The following LHX8 variants were observed in gnomAD, a reference collection of about 807,000 sequenced individuals.
LHX8 encodes LIM homeobox 8, also known as LIM/homeobox protein Lhx8.
A neutral mutation model predicts 40.3 loss-of-function variants in LHX8; 12 were observed. The observed-to-expected ratio is 0.30, with a 90% CI of 0.19 to 0.48. The LOEUF is 0.48. Among genes scored for constraint, LHX8 ranks in the 20% least tolerant of loss-of-function variants. LHX8 has a pLI of 0.99. For synonymous variants in LHX8, 179 were observed against 162.0 expected (o/e 1.10, Z -0.80); for missense variants, 344 against 433.7 (o/e 0.79, Z 1.84).
At chr1:75,175,119 G>C in the LHX8 span, among the ~76,000 whole-genome samples, 2 of 152,168 alleles carry the variant, frequency 1.3e-5, no homozygotes, top group Non-Finnish European at 2.9e-5. Flanking sequence ...AGTCCATCCA[G>C]GTTGCAGCAA....
chr1:75,183,172 T>C, the LHX8 span: 3 of 152,074 alleles, frequency 2.0e-5, no homozygotes, highest in Admixed American at 1.3e-4. Flanking sequence ...CTGAAAGAGA[T>C]GGGGAGGGCA....
At chr1:75,165,401 G>GTT (rs1649011533), downstream of LHX8, among the ~76,000 whole-genome samples, 1 of 152,104 alleles carries the variant, frequency 6.6e-6, no homozygotes, top group South Asian at 2.1e-4. Context: ...AGTTCCTTGA[G>GTT]TTTCATAAGA....
chr1:75,156,787 G>T, intron 7 of LHX8, 106 bp from the exon 8 acceptor site: 1 of 968,198 alleles, frequency 1.0e-6, no homozygotes, highest in Non-Finnish European at 1.7e-6. Flanking sequence ...TGCGGTGCTT[G>T]TGTGGTAGTG....
the LHX8 span, among the ~76,000 whole-genome samples, chr1:75,181,558 G>A: frequency 1.6e-4 from 25 of 152,292 alleles, no homozygotes; most frequent in Admixed American, 3.9e-4. Context: ...TTGGAAAAGC[G>A]CAGTGTTTAG....
At chr1:75,182,254 A>T in the LHX8 span, among the ~76,000 whole-genome samples, 2 of 151,484 alleles carry the variant, frequency 1.3e-5, no homozygotes, top group Non-Finnish European at 2.9e-5. Context: ...GTTGAATAGG[A>T]TGTCCTTTCC....
chr1:75,195,957 G>C, the LHX8 span, among the ~76,000 whole-genome samples: 1 of 152,162 alleles, frequency 6.6e-6, no homozygotes, highest in South Asian at 2.1e-4. Flanking sequence ...AGCACCTGTT[G>C]TATGATAGAG....
chr1:75,171,910 C>T, the LHX8 span, among the ~76,000 whole-genome samples: 3 of 152,168 alleles, frequency 2.0e-5, no homozygotes, highest in African/African-American at 7.2e-5. Context: ...GGCACAGCTC[C>T]TATACTGAAT....
At chr1:75,150,705 G>A (rs1648584393) in intron 7 of LHX8, among the ~76,000 whole-genome samples, 3 of 148,440 alleles carry the variant, frequency 2.0e-5, no homozygotes, top group South Asian at 4.3e-4. Flanking sequence ...TTTCGAGACA[G>A]AGTCTCTGTC....
At chr1:75,149,783 G>A (rs1446449348) in intron 7 of LHX8, among the ~76,000 whole-genome samples, 1 of 152,156 alleles carries the variant, frequency 6.6e-6, no homozygotes, top group Non-Finnish European at 1.5e-5. Flanking sequence ...CTAGACTCAA[G>A]TAATCCTCCT....
At chr1:75,143,030 G>C in intron 4 of LHX8, 88 bp from the exon 5 acceptor site, 1 of 978,674 alleles carries the variant, frequency 1.0e-6, no homozygotes, top group Non-Finnish European at 1.6e-6. Context: ...TTTCAATGGG[G>C]TAAGATAATG....
the LHX8 span, among the ~76,000 whole-genome samples, chr1:75,170,439 T>C: frequency 6.6e-6 from 1 of 152,142 alleles, no homozygotes. Flanking sequence ...TATAAACTAC[T>C]TTGATCAGCT....
chr1:75,163,309 G>A (rs1309619621), downstream of LHX8, among the ~76,000 whole-genome samples: 7 of 152,018 alleles, frequency 4.6e-5, no homozygotes, highest in Admixed American at 2.0e-4. Flanking sequence ...TTCTTGATGT[G>A]GTATATTATG....
the LHX8 span, among the ~76,000 whole-genome samples, chr1:75,194,270 C>A: frequency 6.6e-6 from 1 of 152,204 alleles, no homozygotes; most frequent in Admixed American, 6.5e-5. Flanking sequence ...GTGGCAGGAC[C>A]CAAATAATAA....
the LHX8 span, among the ~76,000 whole-genome samples, chr1:75,168,792 A>G: frequency 1.3e-4 from 20 of 152,254 alleles, no homozygotes; most frequent in East Asian, 3.9e-3. Flanking sequence ...CTTACTACCT[A>G]TGTAACCGTG....
At chr1:75,134,013 A>G (rs899678459), upstream of LHX8, among the ~76,000 whole-genome samples, 11 of 151,956 alleles carry the variant, frequency 7.2e-5, no homozygotes, top group African/African-American at 2.7e-4. Flanking sequence ...AGAATGACTA[A>G]AACTTTCAAG....
intron 8 of LHX8, chr1:75,160,480 T>C (rs536960246): frequency 9.2e-6 from 3 of 325,086 alleles, no homozygotes; most frequent in Non-Finnish European, 1.2e-5. Context: ...GATCATCCTA[T>C]ACAAACACCT....
chr1:75,130,490 G>T, upstream of LHX8: 1 of 602,484 alleles, frequency 1.7e-6, no homozygotes, highest in Non-Finnish European at 3.0e-6. Context: ...GAGCAGGCTT[G>T]CCCAGCTGGG....
At chr1:75,177,534 G>A in the LHX8 span, among the ~76,000 whole-genome samples, 1 of 152,126 alleles carries the variant, frequency 6.6e-6, no homozygotes, top group Non-Finnish European at 1.5e-5. Flanking sequence ...TGTATCCTGA[G>A]ACTTTGCTGA....
the LHX8 span, among the ~76,000 whole-genome samples, chr1:75,190,591 T>G: frequency 6.6e-6 from 1 of 152,284 alleles, no homozygotes; most frequent in Non-Finnish European, 1.5e-5. Context: ...CTGCTCAAAG[T>G]AATAAAATCA....
Sources: gnomAD v4.1 joint callset for allele counts (sites outside exome capture counted in the v4.1 genomes callset) on GRCh38, gnomAD v4.1.1 for gene constraint, MANE v1.5 for transcripts, NCBI Gene and HGNC (gene_info 2026-07-23, HGNC 2026-07-21) for gene names.